PREX1: variants seen among roughly 807,000 people sequenced by gnomAD.
PREX1 encodes phosphatidylinositol-3,4,5-trisphosphate dependent Rac exchange factor 1.
In PREX1, 41 loss-of-function variants were observed where a neutral mutation model predicts 198.3. That is an observed-to-expected ratio of 0.21 (90% confidence interval 0.16 to 0.27). The LOEUF (loss-of-function observed/expected upper bound fraction) is 0.27. Ranked by LOEUF, PREX1 falls within the 10% of genes least tolerant of loss-of-function variation. The probability of loss-of-function intolerance (pLI) is 1.00; values close to 1 mark genes in which losing one functional copy is unlikely to be tolerated. For synonymous variants in PREX1, 843 were observed against 887.2 expected, an observed-to-expected ratio of 0.95 and a Z score of 0.89; for missense variants, 1,620 against 2,200.7, an observed-to-expected ratio of 0.74 and a Z score of 5.28.
At chr20:48,658,311 G>T in intron 16 of PREX1, 83 bp from the exon 17 acceptor site, 1 of 1,385,010 alleles carries the variant, frequency 7.2e-7, no homozygotes. Flanking sequence ...ACAGGACCAT[G>T]ACCTCGTCCC....
At chr20:48,850,162 G>C in the PREX1 span, among the ~76,000 whole-genome samples, 1 of 152,168 alleles carries the variant, frequency 6.6e-6, no homozygotes, top group Non-Finnish European at 1.5e-5. Flanking sequence ...TGCCTCTAAG[G>C]AACACATCCA....
chr20:48,749,216 C>A (rs1482210974), intron 1 of PREX1, among the ~76,000 whole-genome samples: 1 of 152,312 alleles, frequency 6.6e-6, no homozygotes. Context: ...GTAGGCTAAC[C>A]TGGAAGCAGC....
intron 5 of PREX1, among the ~76,000 whole-genome samples, chr20:48,724,272 C>T (rs548149635): frequency 1.3e-5 from 2 of 152,328 alleles, no homozygotes; most frequent in Middle Eastern, 3.4e-3. Flanking sequence ...GCCTCAGCTG[C>T]CCCATCTCCA....
chr20:48,882,218 T>C, the PREX1 span, among the ~76,000 whole-genome samples: 1 of 152,056 alleles, frequency 6.6e-6, no homozygotes, highest in Non-Finnish European at 1.5e-5. Flanking sequence ...AGAATCTTCA[T>C]GTTGCTGGGC....
intron 5 of PREX1, among the ~76,000 whole-genome samples, chr20:48,718,149 G>A (rs890942022): frequency 2.0e-5 from 3 of 152,198 alleles, no homozygotes; most frequent in Admixed American, 2.0e-4. Context: ...GTGACCCTAG[G>A]GTGGTAGGTC....
rs537031048 is a variant in PREX1, at chr20:48,827,267, T to C, written c.219+375A>G. ...ATGAGTGGTGCACCGGGCGCGTAGT[T>C]ATTCCTGGGAAAAAGACGCAGGAGC... On this transcript the variant is annotated intron_variant, in intron 1 of 39. Coordinates refer to ENST00000371941, the MANE Select transcript of PREX1 (RefSeq NM_020820.4). The surrounding 1 kb of genome is among the most constrained non-coding windows in gnomAD (Gnocchi z 4.1). Among the ~76,000 whole-genome samples the C allele has an allele frequency of 2.5e-3, 378 of 152,336 alleles. 1 individual carries two copies. Among genetic ancestry groups the C allele is most frequent in the African/African-American group, 8.3e-3 (347 of 41,572 alleles).
At chr20:48,704,479 TGCCAGA>T (rs1019989692) in intron 6 of PREX1, among the ~76,000 whole-genome samples, 1 of 152,144 alleles carries the variant, frequency 6.6e-6, no homozygotes, top group Non-Finnish European at 1.5e-5. Context: ...AAACCAGGGC[TGCCAGA>T]GCCAGAGCCA....
At chr20:48,837,977 A>C in the PREX1 span, among the ~76,000 whole-genome samples, 1 of 152,232 alleles carries the variant, frequency 6.6e-6, no homozygotes, top group African/African-American at 2.4e-5. Flanking sequence ...AGCCAGATAC[A>C]AAAAGGTATT....
chr20:48,747,832 C>T lies in PREX1; in HGVS notation c.268G>A (p.Gly90Ser). ...ACCTTGACATTCTCCTCCGTGAGGC[C>T]CTTCTCCACTGAGTCGGCCACGTTC... ...RQNVADSVEK[G>S]LTEENVKVLF... The change falls in exon 2 of 40, where the codon GGC becomes AGC. Residue 90 changes from glycine (G) to serine (S), a missense_variant. By Grantham distance (56) the Gly-to-Ser change is moderately conservative. Transcript: ENST00000371941. 1 of 1,613,598 alleles carries T rather than the reference C, an allele frequency of 6.2e-7. No homozygotes were observed. Among genetic ancestry groups the T allele is most frequent in the Non-Finnish European group, 8.5e-7 (1 of 1,179,826 alleles).
chr20:48,841,216 C>A, the PREX1 span, among the ~76,000 whole-genome samples: 1 of 152,212 alleles, frequency 6.6e-6, no homozygotes, highest in African/African-American at 2.4e-5. Flanking sequence ...GCCACTTCAC[C>A]AGGTCTGCAA....
At chr20:48,738,449 A>AC (rs1378669756) in intron 3 of PREX1, among the ~76,000 whole-genome samples, 1 of 152,178 alleles carries the variant, frequency 6.6e-6, no homozygotes, top group Non-Finnish European at 1.5e-5. Flanking sequence ...CCTCTGCAGC[A>AC]CCGTGCCCAG....
rs1371383097 is a variant in PREX1 at position 48,692,755 on chromosome 20, T to G, written c.953A>C (p.Lys318Thr). ...GATGTAGAGGGAGCCGTTGATGGAT[T>G]TGGTCCTCTTGGTGGACTTCTTGCT... The part of the protein sequence containing the change: ...TGSKKSTKRT[K>T]SINGSLYIFR... The change falls in exon 8 of 40, where the codon AAA becomes ACA. Residue 318 changes from lysine (K) to threonine (T), a missense_variant. Lys to Thr is a moderately conservative substitution (Grantham distance 78, BLOSUM62 -1). Transcript: ENST00000371941. The G allele has an allele frequency of 6.2e-7, 1 of 1,614,056 alleles. No homozygotes were observed. The highest frequency in any genetic ancestry group is 2.2e-5 in the East Asian group (1 of 44,880).
chr20:48,716,799 C>G (rs1023674739), intron 5 of PREX1, among the ~76,000 whole-genome samples: 1 of 152,184 alleles, frequency 6.6e-6, no homozygotes, highest in African/African-American at 2.4e-5. Context: ...AAGGCATGCT[C>G]TCCTCTCCCT....
chr20:48,749,426 G>T (rs1365921823), intron 1 of PREX1, among the ~76,000 whole-genome samples: 1 of 152,186 alleles, frequency 6.6e-6, no homozygotes, highest in African/African-American at 2.4e-5. Flanking sequence ...GGCTGCAGGG[G>T]CCTGTCTCAT....
rs555579631 is a variant in PREX1, at chr20:48,781,084, C to T, written c.220-33204G>A. Among the ~76,000 whole-genome samples the T allele has an allele frequency of 2.0e-3, 303 of 152,192 alleles. 5 individuals carry two copies. Among genetic ancestry groups the T allele is most frequent in the Non-Finnish European group, 1.4e-3 (95 of 68,002 alleles). On this transcript the variant is annotated intron_variant, in intron 1 of 39. Transcript: ENST00000371941. ...AAAAAAGTGTCAAGGTCATGAAAGGCAAAGAAAGACTGGGGAACTCTCACA... is the reference window on the plus strand; with the variant it reads ...AAAAAAGTGTCAAGGTCATGAAAGGTAAAGAAAGACTGGGGAACTCTCACA...
At position 48,636,499 on chromosome 20, in the gene PREX1, C is replaced by T; in HGVS notation, c.4131G>A (p.Leu1377=). Residue 1377 remains leucine (L), a synonymous_variant, in exon 32 of 40, where the codon CTG becomes CTA. Coordinates refer to ENST00000371941, the MANE Select transcript of PREX1 (RefSeq NM_020820.4). ...WLEQVAATGV[L]LHCQSLLSPA... is the part of the protein sequence containing the mutation. Reference sequence around the variant, plus strand: ...GCGAGAGCAGGGACTGGCAGTGCAGCAGGACGCCCGTGGCCGCCACCTGCT... The same window carrying T: ...GCGAGAGCAGGGACTGGCAGTGCAGTAGGACGCCCGTGGCCGCCACCTGCT... 1 of 1,609,148 alleles carries T rather than the reference C, an allele frequency of 6.2e-7. No individual in the cohort carries two copies. Among genetic ancestry groups the T allele is most frequent in the Non-Finnish European group, 8.5e-7 (1 of 1,179,394 alleles).
rs2089774336 is a variant in PREX1, at chr20:48,684,730, A to G, written c.1335-3395T>C. On this transcript the variant is annotated intron_variant, in intron 10 of 39. Coordinates refer to ENST00000371941, the MANE Select transcript of PREX1 (RefSeq NM_020820.4). This position sits in a 1 kb window ranked among gnomAD's most constrained non-coding sequence, Gnocchi z 4.2. ...GGCTTCCCACAGCACCAAGACGGAA[A>G]TGTGAGCTGCCTGCCAAGGCCCTGC... Among the ~76,000 whole-genome samples, 1 of 152,056 alleles carries G rather than the reference A, an allele frequency of 6.6e-6. No homozygotes were observed. The highest frequency in any genetic ancestry group is 1.5e-5 in the Non-Finnish European group (1 of 68,020).
At chr20:48,639,684 G>A (rs1047076267) in intron 30 of PREX1, 82 bp downstream of exon 30, 14 of 1,556,460 alleles carry the variant, frequency 9.0e-6, no homozygotes, top group Admixed American at 1.8e-5. Context: ...CACAGAACTG[G>A]ATCCATTCCT....
chr20:48,752,613 ATGGACACTATCTCCCCGAG>A (rs1448114459), intron 1 of PREX1, among the ~76,000 whole-genome samples: 19 of 152,286 alleles, frequency 1.2e-4, no homozygotes, highest in Middle Eastern at 3.4e-3. Flanking sequence ...GAGGCACTCG[ATGGACACTATCTCCCCGAG>A]TGCCTTGATG....
Sources: allele counts gnomAD v4.1 joint callset (sites outside exome capture counted in the v4.1 genomes callset), GRCh38; gene constraint gnomAD v4.1.1; non-coding constraint Gnocchi (gnomAD v3.1); transcripts MANE v1.5; gene names NCBI Gene and HGNC (gene_info 2026-07-23, HGNC 2026-07-21).